TMEM131: variants seen among roughly 807,000 people sequenced by gnomAD.
TMEM131 encodes transmembrane protein 131, also known as 2610524E03Rik.
Under a neutral mutation model 211.6 loss-of-function variants are expected in TMEM131, and 66 were observed. The observed-to-expected ratio is 0.31, with a 90% CI of 0.26 to 0.38. TMEM131 has a LOEUF of 0.38. Ranked by LOEUF, TMEM131 falls within the 10% of genes least tolerant of loss-of-function variation. The pLI is 1.00. For missense variants in TMEM131, 2,036 were observed against 2,299.3 expected, an observed-to-expected ratio of 0.89 and a Z score of 2.34; for synonymous variants, 844 against 841.3, an observed-to-expected ratio of 1.00 and a Z score of -0.06.
chr2:97,958,609 C>T (rs1319639473), intron 1 of TMEM131, among the ~76,000 whole-genome samples: 2 of 152,186 alleles, frequency 1.3e-5, no homozygotes, highest in Non-Finnish European at 2.9e-5. Context: ...ATGATACCCA[C>T]AAGCTTTGAA....
At chr2:97,971,494 C>T (rs1679293208) in intron 1 of TMEM131, among the ~76,000 whole-genome samples, 1 of 152,180 alleles carries the variant, frequency 6.6e-6, no homozygotes, top group Admixed American at 6.5e-5. Flanking sequence ...AGTTTCTATA[C>T]GTTGCCAAAT....
intron 3 of TMEM131, among the ~76,000 whole-genome samples, chr2:97,901,381 TG>T (rs1188279856): frequency 6.6e-6 from 1 of 152,032 alleles, no homozygotes; most frequent in East Asian, 1.9e-4. Flanking sequence ...CATTTTGAGT[TG>T]ATTTTTGTAT....
chr2:97,852,559 T>C (rs943935671), intron 5 of TMEM131, among the ~76,000 whole-genome samples: 3 of 152,212 alleles, frequency 2.0e-5, no homozygotes, highest in African/African-American at 7.2e-5. Flanking sequence ...GCAGAATAGC[T>C]GAAAGCTAAA....
At chr2:97,948,822 T>A (rs1044087709) in intron 1 of TMEM131, among the ~76,000 whole-genome samples, 1 of 152,100 alleles carries the variant, frequency 6.6e-6, no homozygotes, top group Admixed American at 6.5e-5. Context: ...CACGCCCGGC[T>A]AATTTTTTGT....
At chr2:97,782,316 T>C (rs1680048986) in intron 31 of TMEM131, among the ~76,000 whole-genome samples, 1 of 152,184 alleles carries the variant, frequency 6.6e-6, no homozygotes, top group Admixed American at 6.5e-5. Context: ...TAACTCCACC[T>C]GGCAATAAAA....
chr2:97,835,259 G>C (rs1682887475), intron 8 of TMEM131, among the ~76,000 whole-genome samples: 2 of 152,190 alleles, frequency 1.3e-5, no homozygotes, highest in Admixed American at 1.3e-4. Context: ...TAATATGCTA[G>C]TTAGTGGTGT....
intron 1 of TMEM131, among the ~76,000 whole-genome samples, chr2:97,987,611 G>C (rs1345645615): frequency 2.6e-5 from 4 of 152,106 alleles, no homozygotes; most frequent in Admixed American, 2.6e-4. Context: ...CCTTAAGTAC[G>C]CAGCATTTTT....
chr2:97,786,813 T>C (rs914871057), intron 31 of TMEM131, among the ~76,000 whole-genome samples: 11 of 152,318 alleles, frequency 7.2e-5, no homozygotes, highest in Middle Eastern at 6.8e-3. Flanking sequence ...GTGAAGAACA[T>C]TGCCATAGTC....
chr2:97,758,415 A>G (rs1678624346), intron 40 of TMEM131, among the ~76,000 whole-genome samples: 1 of 152,250 alleles, frequency 6.6e-6, no homozygotes, highest in Non-Finnish European at 1.5e-5. Context: ...TTAGCCAAGA[A>G]GCAAACAAAT....
chr2:97,862,354 G>A (rs928009324), intron 4 of TMEM131, among the ~76,000 whole-genome samples: 5 of 152,080 alleles, frequency 3.3e-5, no homozygotes, highest in Non-Finnish European at 7.4e-5. Context: ...AGACCAGCCA[G>A]GAAAACATGA....
chr2:97,778,161 TATGAA>T (rs1679822712), intron 31 of TMEM131, among the ~76,000 whole-genome samples: 1 of 152,130 alleles, frequency 6.6e-6, no homozygotes, highest in African/African-American at 2.4e-5. Context: ...CCATAATAAA[TATGAA>T]ATGGCTGGAA....
At chr2:97,928,152 G>A (rs1677067155) in intron 1 of TMEM131, among the ~76,000 whole-genome samples, 1 of 152,092 alleles carries the variant, frequency 6.6e-6, no homozygotes, top group African/African-American at 2.4e-5. Context: ...ACCAAAATCT[G>A]GGCATAGTCA....
At chr2:97,785,328 C>T (rs1680197022) in intron 31 of TMEM131, among the ~76,000 whole-genome samples, 1 of 152,032 alleles carries the variant, frequency 6.6e-6, no homozygotes, top group Non-Finnish European at 1.5e-5. Context: ...TAGAAAAACC[C>T]AAACAATCCA....
chr2:97,786,626 G>A (rs1309841557), intron 31 of TMEM131, among the ~76,000 whole-genome samples: 1 of 152,230 alleles, frequency 6.6e-6, no homozygotes, highest in East Asian at 1.9e-4. Flanking sequence ...AGAACACTTA[G>A]GCTGCTAAAT....
At chr2:97,827,264 T>A in intron 11 of TMEM131, 1 of 780,420 alleles carries the variant, frequency 1.3e-6, no homozygotes, top group Non-Finnish European at 2.4e-6. Flanking sequence ...AAGAGGAAGG[T>A]CAGCTCCGCT....
At chr2:97,922,539 A>G (rs1315134352) in intron 2 of TMEM131, among the ~76,000 whole-genome samples, 1 of 152,234 alleles carries the variant, frequency 6.6e-6, no homozygotes, top group Non-Finnish European at 1.5e-5. Flanking sequence ...TTCAGCAATG[A>G]AACTGAAGTA....
intron 29 of TMEM131, 89 bp from the exon 30 acceptor site, chr2:97,793,642 A>G (rs1402010971): frequency 2.3e-6 from 3 of 1,293,790 alleles, no homozygotes; most frequent in African/African-American, 3.0e-5. Flanking sequence ...GTTTCTTGGT[A>G]AAGTACAATA....
At chr2:97,781,304 A>G (rs928462267) in intron 31 of TMEM131, among the ~76,000 whole-genome samples, 5 of 152,256 alleles carry the variant, frequency 3.3e-5, no homozygotes, top group African/African-American at 7.2e-5. Context: ...CCTTCTCAAC[A>G]GTGAAATATA....
chr2:97,956,682 T>C lies in TMEM131; in HGVS notation c.188-29195A>G, dbSNP rs923091450. On this transcript the variant is annotated intron_variant, in intron 1 of 40. Transcript: ENST00000186436. The stretch of plus-strand genomic sequence containing the variant: ...ATTTCTCTTTTTTCATTAAGTAGTG[T>C]AAACTAGATTTTTTTTTTACTACTA... Among the ~76,000 whole-genome samples, 3 of 130,158 alleles carry C rather than the reference T, an allele frequency of 2.3e-5. No individual in the cohort carries two copies. In the East Asian group the frequency reaches 5.9e-4, roughly 25 times the overall value. 85.4% of individuals were successfully genotyped at this position (130,158 alleles called of 152,430 possible). A position where few individuals can be genotyped will look rare whatever the true frequency, so the allele number is the denominator to read the frequency against.
Sources: allele counts gnomAD v4.1 joint callset (sites outside exome capture counted in the v4.1 genomes callset), GRCh38; gene constraint gnomAD v4.1.1; transcripts MANE v1.5; gene names NCBI Gene and HGNC (gene_info 2026-07-23, HGNC 2026-07-21).